Variants in FRYL observed in about 807,000 individuals in gnomAD.
The protein encoded by FRYL is FRY like transcription coactivator, also known as protein furry homolog-like.
FRYL carries 150 observed loss-of-function variants against 351.2 expected under a neutral mutation model. The ratio of observed to expected loss-of-function variants is 0.43; its 90% CI spans 0.37 to 0.49. The LOEUF is 0.49. Ranked by LOEUF, FRYL falls within the 20% of genes least tolerant of loss-of-function variation. The pLI, the probability that FRYL is intolerant of heterozygous loss-of-function variation, is 0.00. For synonymous variants in FRYL, 1,153 were observed against 1,257.1 expected (o/e 0.92, Z 1.75); for missense variants, 3,036 against 3,619.3 (o/e 0.84, Z 4.13).
At chr4:48,618,103 T>A (rs575108551) in intron 7 of FRYL, 1 of 152,298 alleles carries the variant, frequency 6.6e-6, no homozygotes, top group East Asian at 1.9e-4. Context: ...TCTTAGTATC[T>A]CAGTTAAACC....
chr4:48,698,261 T>C lies in FRYL; in HGVS notation c.-204+12258A>G, dbSNP rs527629753. Among the ~76,000 whole-genome samples the C allele has an allele frequency of 2.0e-5, 3 of 152,366 alleles. No individual in the cohort carries two copies. In the South Asian group the frequency reaches 6.2e-4, roughly 32 times the overall value. The stretch of plus-strand genomic sequence containing the variant: ...CAGCTCCTGTTACCAGAAGACTTAC[T>C]ATAGCCACAATCTGTAACTACGCGA... On this transcript the variant is annotated intron_variant, in intron 2 of 63. Coordinates refer to ENST00000358350, the MANE Select transcript of FRYL (RefSeq NM_015030.2).
chr4:48,713,703 A>T (rs1413045605), intron 1 of FRYL, among the ~76,000 whole-genome samples: 2 of 152,284 alleles, frequency 1.3e-5, no homozygotes, highest in East Asian at 3.9e-4. Context: ...TCAACATTAA[A>T]CAGATCAATG....
At chr4:48,659,970 A>AGAAGAAGAAGAAGAG (rs1560810746) in intron 3 of FRYL, among the ~76,000 whole-genome samples, 2 of 147,280 alleles carry the variant, frequency 1.4e-5, no homozygotes, top group Non-Finnish European at 1.5e-5. Context: ...AAGAAGAAGA[A>AGAAGAAGAAGAAGAG]AGGAGGAGGA....
intron 1 of FRYL, among the ~76,000 whole-genome samples, chr4:48,760,874 C>T (rs6447659): frequency 0.033 from 4,945 of 152,092 alleles, 266 homozygotes; most frequent in African/African-American, 0.11. Flanking sequence ...ACAGGGGTTT[C>T]GCCATGTTGA....
chr4:48,728,010 C>G (rs1393432051), intron 1 of FRYL, among the ~76,000 whole-genome samples: 3 of 152,120 alleles, frequency 2.0e-5, no homozygotes, highest in Non-Finnish European at 4.4e-5. Context: ...TATAGAAGAC[C>G]TCCCCTTCCT....
At chr4:48,773,244 G>A (rs1775697435) in intron 1 of FRYL, among the ~76,000 whole-genome samples, 1 of 152,116 alleles carries the variant, frequency 6.6e-6, no homozygotes, top group Non-Finnish European at 1.5e-5. Context: ...AAGACTAGTA[G>A]AGCTGATGAA....
chr4:48,633,074 C>T (rs1753575110), intron 4 of FRYL, among the ~76,000 whole-genome samples: 1 of 152,146 alleles, frequency 6.6e-6, no homozygotes, highest in East Asian at 1.9e-4. Context: ...GCTGTTACAA[C>T]ATCCTTCGCC....
intron 3 of FRYL, chr4:48,638,333 C>T (rs1373262308): frequency 6.6e-6 from 1 of 151,744 alleles, no homozygotes; most frequent in Non-Finnish European, 1.5e-5. Flanking sequence ...TGATTACCTA[C>T]AAAAGAAAAA....
chr4:48,560,323 A>G (rs4536901), intron 33 of FRYL, among the ~76,000 whole-genome samples: 62,641 of 152,040 alleles, frequency 0.41, 14,187 homozygotes, highest in Admixed American at 0.56. Context: ...TAGGTTAGCT[A>G]TGGAATTTGT....
intron 5 of FRYL, among the ~76,000 whole-genome samples, chr4:48,622,903 T>C (rs907989834): frequency 1.3e-5 from 2 of 152,076 alleles, no homozygotes; most frequent in African/African-American, 4.8e-5. Flanking sequence ...GAAAGGTACA[T>C]TAAAGAGATT....
chr4:48,637,797 A>G (rs1754535442), intron 3 of FRYL: 1 of 152,202 alleles, frequency 6.6e-6, no homozygotes, highest in Admixed American at 6.6e-5. Flanking sequence ...TGTATTTAAT[A>G]TATTTAATAA....
At chr4:48,572,646 G>A (rs946621719) in intron 26 of FRYL, among the ~76,000 whole-genome samples, 1 of 152,108 alleles carries the variant, frequency 6.6e-6, no homozygotes, top group Non-Finnish European at 1.5e-5. Flanking sequence ...ACTTGAGTGC[G>A]TAATAAATTG....
intron 44 of FRYL, among the ~76,000 whole-genome samples, chr4:48,542,334 C>T (rs1186572765): frequency 6.6e-6 from 1 of 152,204 alleles, no homozygotes; most frequent in Non-Finnish European, 1.5e-5. Context: ...CTCAAAATTG[C>T]TCAGGTCAGA....
intron 1 of FRYL, among the ~76,000 whole-genome samples, chr4:48,772,268 C>A (rs1388834098): frequency 1.3e-5 from 2 of 152,132 alleles, no homozygotes; most frequent in Non-Finnish European, 2.9e-5. Context: ...TTATTTTGAA[C>A]CTCTATTTTT....
At chr4:48,527,708 C>T (rs1369837431) in intron 52 of FRYL, 55 bp from the exon 53 acceptor site, 6 of 1,527,814 alleles carry the variant, frequency 3.9e-6, no homozygotes, top group Admixed American at 2.0e-5. Flanking sequence ...TGTCACTCTG[C>T]GTATGAGGTA....
chr4:48,540,189 T>A, intron 46 of FRYL, 121 bp from the exon 47 acceptor site: 1 of 1,127,878 alleles, frequency 8.9e-7, no homozygotes, highest in Non-Finnish European at 1.2e-6. Context: ...GGATATTCGA[T>A]CTTCTAATTC....
intron 7 of FRYL, chr4:48,618,209 T>C (rs921602945): frequency 6.6e-6 from 1 of 152,222 alleles, no homozygotes; most frequent in African/African-American, 2.4e-5. Flanking sequence ...AATGCATATA[T>C]TAAAGTGATT....
At chr4:48,641,540 CT>C (rs1440291346) in intron 3 of FRYL, among the ~76,000 whole-genome samples, 1 of 152,082 alleles carries the variant, frequency 6.6e-6, no homozygotes, top group African/African-American at 2.4e-5. Flanking sequence ...CCCAGAGGCT[CT>C]TAAGCCACTA....
chr4:48,660,593 C>A (rs1760495509), intron 3 of FRYL, among the ~76,000 whole-genome samples: 1 of 152,198 alleles, frequency 6.6e-6, no homozygotes, highest in Non-Finnish European at 1.5e-5. Context: ...GGCACCATTT[C>A]ACCTGTGGTG....
Sources: gnomAD v4.1 joint callset for allele counts (sites outside exome capture counted in the v4.1 genomes callset) on GRCh38, gnomAD v4.1.1 for gene constraint, MANE v1.5 for transcripts, NCBI Gene and HGNC (gene_info 2026-07-23, HGNC 2026-07-21) for gene names.